The following PAQR8 variants were observed in gnomAD, a reference collection of about 807,000 sequenced individuals.
The protein encoded by PAQR8 is progestin and adipoQ receptor family member 8.
A neutral mutation model predicts 25.2 loss-of-function variants in PAQR8; 17 were observed. That is an observed-to-expected ratio of 0.67 (90% confidence interval 0.46 to 1.01). The LOEUF (loss-of-function observed/expected upper bound fraction) is 1.01. Ranked by LOEUF, PAQR8 falls within the 50% of genes least tolerant of loss-of-function variation. PAQR8 has a pLI of 0.00. For synonymous variants in PAQR8, 204 were observed against 190.6 expected (o/e 1.07, Z -0.58); for missense variants, 392 against 448.4 (o/e 0.87, Z 1.14).
intron 1 of PAQR8, among the ~76,000 whole-genome samples, chr6:52,382,730 T>C (rs1014450210): frequency 6.6e-6 from 1 of 151,682 alleles, no homozygotes; most frequent in East Asian, 1.9e-4. Flanking sequence ...CCACCCACAA[T>C]GCATAGAGAC....
intron 1 of PAQR8, among the ~76,000 whole-genome samples, chr6:52,384,773 A>T (rs992312187): frequency 5.3e-5 from 8 of 152,276 alleles, no homozygotes; most frequent in African/African-American, 1.9e-4. Flanking sequence ...CTACAAGGCT[A>T]TAGTAACCAA....
At chr6:52,383,354 C>T (rs576867155) in intron 1 of PAQR8, among the ~76,000 whole-genome samples, 1 of 152,196 alleles carries the variant, frequency 6.6e-6, no homozygotes, top group Admixed American at 6.5e-5. Context: ...GCAAGAAATA[C>T]ATTTTATTTT....
chr6:52,362,941 C>A lies in PAQR8; in HGVS notation c.-53+692C>A, dbSNP rs1763308198. On this transcript the variant is annotated intron_variant, in intron 1 of 1. Transcript: ENST00000442253. The surrounding 1 kb of genome is among the most constrained non-coding windows in gnomAD (Gnocchi z 4.1). ...GAACCGCCGGCAGCTGGCTAATGGG[C>A]GGATGCTGGGGCTTGGCTGGATGGG... Among the ~76,000 whole-genome samples the A allele has an allele frequency of 6.6e-6, 1 of 151,648 alleles. No homozygotes were observed. Among genetic ancestry groups the A allele is most frequent in the Non-Finnish European group, 1.5e-5 (1 of 67,934 alleles).
At chr6:52,401,445 TCA>T (rs1192396121) in intron 1 of PAQR8, among the ~76,000 whole-genome samples, 4 of 152,174 alleles carry the variant, frequency 2.6e-5, no homozygotes, top group Non-Finnish European at 5.9e-5. Context: ...TGCAGCAGTT[TCA>T]TGAAATATTT....
chr6:52,384,440 A>G (rs955079810), intron 1 of PAQR8, among the ~76,000 whole-genome samples: 8 of 152,146 alleles, frequency 5.3e-5, no homozygotes, highest in African/African-American at 1.2e-4. Context: ...TGAAATGGCT[A>G]GCACTGGGTT....
chr6:52,395,480 GTGTCCAAATGAA>G (rs1763757585), intron 1 of PAQR8, among the ~76,000 whole-genome samples: 1 of 152,146 alleles, frequency 6.6e-6, no homozygotes, highest in African/African-American at 2.4e-5. Context: ...TGCTCTAGAT[GTGTCCAAATGAA>G]TGTCCTCCAT....
At chr6:52,386,015 T>C (rs1000395675) in intron 1 of PAQR8, among the ~76,000 whole-genome samples, 38 of 151,726 alleles carry the variant, frequency 2.5e-4, no homozygotes, top group African/African-American at 9.0e-4. Flanking sequence ...AAAAAACAAC[T>C]CAATTAAAAA....
chr6:52,379,691 A>G (rs1323899906), intron 1 of PAQR8, among the ~76,000 whole-genome samples: 2 of 138,400 alleles, frequency 1.4e-5, no homozygotes, highest in Non-Finnish European at 3.0e-5. Context: ...CAGTGCTGCG[A>G]TCTCGGCTCA....
At chr6:52,366,619 A>T (rs901658427) in intron 1 of PAQR8, among the ~76,000 whole-genome samples, 4 of 152,174 alleles carry the variant, frequency 2.6e-5, no homozygotes, top group Admixed American at 2.6e-4. Flanking sequence ...TATCTGCAGG[A>T]TGGGGTGGTA....
chr6:52,384,645 A>G (rs777803512), intron 1 of PAQR8, among the ~76,000 whole-genome samples: 6 of 152,218 alleles, frequency 3.9e-5, no homozygotes, highest in African/African-American at 4.8e-5. Context: ...AAATAATTCT[A>G]AGTTAGAAAA....
intron 1 of PAQR8, among the ~76,000 whole-genome samples, chr6:52,386,186 A>T (rs1056809320): frequency 3.0e-4 from 4 of 13,508 alleles, no homozygotes; most frequent in African/African-American, 8.5e-4. Flanking sequence ...ATTTAAATTA[A>T]AAAAAAATAA....
intron 1 of PAQR8, among the ~76,000 whole-genome samples, chr6:52,400,452 C>T (rs1763817097): frequency 6.6e-6 from 1 of 152,190 alleles, no homozygotes; most frequent in Non-Finnish European, 1.5e-5. Flanking sequence ...CCACAGATAA[C>T]AAAGCTCAGG....
At chr6:52,366,987 G>A (rs1488086242) in intron 1 of PAQR8, among the ~76,000 whole-genome samples, 7 of 151,982 alleles carry the variant, frequency 4.6e-5, no homozygotes, top group Non-Finnish European at 8.8e-5. Context: ...CTCGTGATCT[G>A]CCCATCTTGG....
At chr6:52,365,257 C>T (rs147572331) in intron 1 of PAQR8, among the ~76,000 whole-genome samples, 248 of 152,176 alleles carry the variant, frequency 1.6e-3, no homozygotes, top group African/African-American at 5.2e-3. Context: ...ACATTCATTT[C>T]AACTTTGGGA....
chr6:52,383,858 G>A (rs1439350736), intron 1 of PAQR8, among the ~76,000 whole-genome samples: 1 of 152,160 alleles, frequency 6.6e-6, no homozygotes, highest in Non-Finnish European at 1.5e-5. Context: ...TTGGCAAAGA[G>A]GAAAGGCCCA....
chr6:52,401,875 G>C (rs1341779873), intron 1 of PAQR8, among the ~76,000 whole-genome samples: 1 of 152,126 alleles, frequency 6.6e-6, no homozygotes, highest in Non-Finnish European at 1.5e-5. Context: ...ACTTCAATAT[G>C]ATATTTCATG....
Position 52,362,658 on chromosome 6 carries a change from G to A in PAQR8, c.-53+409G>A, listed in dbSNP as rs1350292902. Reference sequence around the variant, plus strand: ...GGCGGGAGATTCAGGACCAAGACGTGGGGGAGTCCGACAGGGCAGAACGAG... The same window carrying A: ...GGCGGGAGATTCAGGACCAAGACGTAGGGGAGTCCGACAGGGCAGAACGAG... On this transcript the variant is annotated intron_variant, in intron 1 of 1. Coordinates refer to ENST00000442253, the MANE Select transcript of PAQR8 (RefSeq NM_133367.5). This position sits in a 1 kb window ranked among gnomAD's most constrained non-coding sequence, Gnocchi z 4.1. 6.6e-6 allele frequency among the ~76,000 whole-genome samples: 1 copy of A among 152,172 alleles called. No individual in the cohort carries two copies. The highest frequency in any genetic ancestry group is 1.5e-5 in the Non-Finnish European group (1 of 68,030).
chr6:52,370,550 GGTA>G (rs1763406640), intron 1 of PAQR8, among the ~76,000 whole-genome samples: 3 of 152,120 alleles, frequency 2.0e-5, no homozygotes, highest in African/African-American at 7.2e-5. Flanking sequence ...CTGAGGCACT[GGTA>G]GTAGGTGCAG....
intron 1 of PAQR8, among the ~76,000 whole-genome samples, chr6:52,379,718 C>G (rs2113939875): frequency 6.6e-6 from 1 of 151,740 alleles, no homozygotes; most frequent in East Asian, 1.9e-4. Flanking sequence ...GCTCCGCCTC[C>G]CGGGTTCACG....
Sources: allele counts gnomAD v4.1 joint callset (sites outside exome capture counted in the v4.1 genomes callset), GRCh38; gene constraint gnomAD v4.1.1; non-coding constraint Gnocchi (gnomAD v3.1); transcripts MANE v1.5; gene names NCBI Gene and HGNC (gene_info 2026-07-23, HGNC 2026-07-21).